The following DENND1B variants were observed in gnomAD, a reference collection of about 807,000 sequenced individuals.
DENND1B encodes the protein DENN domain containing 1B.
Under a neutral mutation model 90.1 loss-of-function variants are expected in DENND1B, and 59 were observed. That is an observed-to-expected ratio of 0.65 (90% CI 0.53 to 0.81). DENND1B has a LOEUF of 0.81. Ranked by LOEUF, DENND1B falls within the 40% of genes least tolerant of loss-of-function variation. The pLI, the probability that DENND1B is intolerant of heterozygous loss-of-function variation, is 0.00. For synonymous variants in DENND1B, 337 were observed against 324.6 expected (o/e 1.04, Z -0.41); for missense variants, 862 against 912.6 (o/e 0.94, Z 0.71).
rs1676675357 is a variant in DENND1B, at chr1:197,606,281, C to T, written c.921+792G>A. Reference sequence around the variant, plus strand: ...AGACACACGCACACACACACACAACCCTCCGCAAGATCAAAGACCAGAAGA... The same window carrying T: ...AGACACACGCACACACACACACAACTCTCCGCAAGATCAAAGACCAGAAGA... On this transcript the variant is annotated intron_variant, in intron 13 of 22. Coordinates refer to ENST00000620048, the MANE Select transcript of DENND1B (RefSeq NM_001195215.2). 7 of 150,912 alleles carry T rather than the reference C, an allele frequency of 4.6e-5. No individual in the cohort carries two copies. In the South Asian group the frequency reaches 6.3e-4, roughly 13 times the overall value. The allele number at this position is 150,912 out of a possible 1,614,324, so 9.3% of individuals were successfully genotyped here.
At chr1:197,713,815 A>AT (rs1372148327) in intron 3 of DENND1B, among the ~76,000 whole-genome samples, 684 of 67,994 alleles carry the variant, frequency 0.01, 19 homozygotes, top group African/African-American at 0.046. Context: ...AATATATTAT[A>AT]TATAATATAT....
chr1:197,594,958 T>C (rs1572008200), intron 14 of DENND1B, among the ~76,000 whole-genome samples: 1 of 152,052 alleles, frequency 6.6e-6, no homozygotes, highest in Admixed American at 6.6e-5. Context: ...AGTATTCCAA[T>C]CCTAGAGCAT....
chr1:197,611,841 A>T, intron 12 of DENND1B, 90 bp downstream of exon 12: 1 of 1,119,928 alleles, frequency 8.9e-7, no homozygotes, highest in South Asian at 1.3e-5. Flanking sequence ...TCTTTGTCCT[A>T]TACCACTGAT....
In DENND1B at chr1:197,747,029, G is replaced by A. The variant is rs186846842; in HGVS notation, c.82+25839C>T. ...TCAACATTTTTCCTTTTAACATGGC[G>A]TTCAAATCAATCATTGACTCCAAAA... is the stretch of plus-strand genomic sequence containing the variant. On this transcript the variant is annotated intron_variant, in intron 2 of 22. Coordinates refer to ENST00000620048, the MANE Select transcript of DENND1B (RefSeq NM_001195215.2). 8.7e-5 allele frequency: 72 copies of A among 831,102 alleles called. No individual in the cohort carries two copies. In the East Asian group the frequency reaches 1.1e-3, roughly 13 times the overall value. 51.5% of individuals were successfully genotyped at this position (831,102 alleles called of 1,614,324 possible).
chr1:197,736,189 C>T, intron 2 of DENND1B: 1 of 465,028 alleles, frequency 2.2e-6, no homozygotes, highest in Admixed American at 3.3e-5. Context: ...TGCAAAACAA[C>T]CCACTCTTTT....
At chr1:197,735,883 C>G in intron 2 of DENND1B, 6 of 1,548,494 alleles carry the variant, frequency 3.9e-6, no homozygotes, top group Non-Finnish European at 5.3e-6. Flanking sequence ...GGGGCTATTA[C>G]AGGTGCCTCT....
Position 197,638,210 on chromosome 1 carries a change from C to T in DENND1B, c.672+4501G>A, listed in dbSNP as rs555619328. Reference sequence around the variant, plus strand: ...AAAGGAAGAAATTACAGTTTATTAACGTAATTCCAGTACTCATAACATATT... The same window carrying T: ...AAAGGAAGAAATTACAGTTTATTAATGTAATTCCAGTACTCATAACATATT... On this transcript the variant is annotated intron_variant, in intron 10 of 22. Transcript: ENST00000620048. 5.3e-5 allele frequency among the ~76,000 whole-genome samples: 8 copies of T among 152,314 alleles called. No homozygotes were observed. In the East Asian group the frequency reaches 7.7e-4, roughly 15 times the overall value.
intron 11 of DENND1B, among the ~76,000 whole-genome samples, chr1:197,614,913 A>G (rs1677509400): frequency 6.6e-6 from 1 of 151,000 alleles, no homozygotes; most frequent in African/African-American, 2.4e-5. Flanking sequence ...TTATGGACTT[A>G]GATAGGTTAA....
chr1:197,664,868 T>C (rs1654786172), intron 5 of DENND1B, among the ~76,000 whole-genome samples: 1 of 152,070 alleles, frequency 6.6e-6, no homozygotes, highest in African/African-American at 2.4e-5. Flanking sequence ...GAGGGGGAAC[T>C]ACAAAGGCCC....
intron 2 of DENND1B, among the ~76,000 whole-genome samples, chr1:197,731,625 C>A (rs1662156471): frequency 6.6e-6 from 1 of 152,182 alleles, no homozygotes; most frequent in Non-Finnish European, 1.5e-5. Flanking sequence ...GGCGTCCAAT[C>A]TTTTGGCTTC....
intron 20 of DENND1B, among the ~76,000 whole-genome samples, chr1:197,521,396 G>A (rs748621164): frequency 6.6e-6 from 1 of 151,884 alleles, no homozygotes. Context: ...CCTGGGGTTT[G>A]GGAGGGGAAG....
intron 2 of DENND1B, among the ~76,000 whole-genome samples, chr1:197,723,448 AC>A (rs558761381): frequency 3.9e-5 from 6 of 152,154 alleles, no homozygotes; most frequent in African/African-American, 7.2e-5. Context: ...TTTAAAAAAA[AC>A]ATCAACAATA....
At chr1:197,514,729 T>C (rs1217667145) in intron 20 of DENND1B, among the ~76,000 whole-genome samples, 4 of 151,780 alleles carry the variant, frequency 2.6e-5, no homozygotes, top group African/African-American at 7.2e-5. Flanking sequence ...GTTGTTTTTT[T>C]TTAATGGCCC....
intron 4 of DENND1B, among the ~76,000 whole-genome samples, chr1:197,672,448 C>T (rs911622214): frequency 6.6e-6 from 1 of 152,004 alleles, no homozygotes; most frequent in African/African-American, 2.4e-5. Flanking sequence ...GCTCATATTT[C>T]ATAAATTATC....
chr1:197,723,440 T>G (rs1385607394), intron 2 of DENND1B, among the ~76,000 whole-genome samples: 3 of 151,914 alleles, frequency 2.0e-5, no homozygotes, highest in Non-Finnish European at 4.4e-5. Flanking sequence ...ATGAGAGTTT[T>G]AAAAAAAACA....
At chr1:197,539,275 G>A (rs556788987) in intron 20 of DENND1B, among the ~76,000 whole-genome samples, 39 of 152,260 alleles carry the variant, frequency 2.6e-4, no homozygotes, top group African/African-American at 8.9e-4. Context: ...TATAAATGAA[G>A]CTTTGCAGCC....
At chr1:197,732,714 T>G (rs1310625678) in intron 2 of DENND1B, among the ~76,000 whole-genome samples, 1 of 152,202 alleles carries the variant, frequency 6.6e-6, no homozygotes, top group Non-Finnish European at 1.5e-5. Context: ...GATATGTGAC[T>G]GACAAGAGGA....
Position 197,508,450 on chromosome 1 carries a change from T to C in DENND1B, c.*2010A>G, listed in dbSNP as rs1667829340. On this transcript the variant is annotated 3_prime_UTR_variant, in exon 23 of 23. Transcript: ENST00000620048. ...TGTATTAAAAAATAAGGATTAAACA[T>C]TGTTTTCCTTAATGTATACAGTCCA... 1 of 151,726 alleles carries C rather than the reference T, an allele frequency of 6.6e-6. No homozygotes were observed. Among genetic ancestry groups the C allele is most frequent in the African/African-American group, 2.4e-5 (1 of 41,388 alleles). The allele number at this position is 151,726 out of a possible 1,614,324, so 9.4% of individuals were successfully genotyped here.
At position 197,587,379 on chromosome 1, in the gene DENND1B, G is replaced by T. The variant is rs189839705; in HGVS notation, c.1048-4126C>A. On this transcript the variant is annotated intron_variant, in intron 14 of 22. Coordinates refer to ENST00000620048, the MANE Select transcript of DENND1B (RefSeq NM_001195215.2). ...TGAGAGAAAAACAACTGAATATTTT[G>T]CTCCATAAAACAGTGATGGGGCAAA... Among the ~76,000 whole-genome samples, 12 of 152,172 alleles carry T rather than the reference G, an allele frequency of 7.9e-5. No homozygotes were observed. The East Asian group carries it at 2.1e-3, about 27-fold the overall frequency.
Sources: gnomAD v4.1 joint callset for allele counts (sites outside exome capture counted in the v4.1 genomes callset) on GRCh38, gnomAD v4.1.1 for gene constraint, MANE v1.5 for transcripts, NCBI Gene and HGNC (gene_info 2026-07-23, HGNC 2026-07-21) for gene names.